Variants in CFAP299 observed in about 807,000 individuals in gnomAD.
CFAP299 encodes the protein cilia and flagella associated protein 299, also known as cilia- and flagella-associated protein 299.
In CFAP299, 21 loss-of-function variants were observed where a neutral mutation model predicts 27.0. The observed-to-expected ratio is 0.78, with a 90% CI of 0.55 to 1.12. The LOEUF is 1.12. Ranked by LOEUF, CFAP299 falls within the 50% of genes most tolerant of loss-of-function variation. The pLI, the probability that CFAP299 is intolerant of heterozygous loss-of-function variation, is 0.00. For synonymous variants in CFAP299, 104 were observed against 98.1 expected (o/e 1.06, Z -0.36); for missense variants, 310 against 276.6 (o/e 1.12, Z -0.86).
chr4:80,635,038 A>G (rs534405824), intron 3 of CFAP299, among the ~76,000 whole-genome samples: 1 of 152,298 alleles, frequency 6.6e-6, no homozygotes, highest in African/African-American at 2.4e-5. Context: ...ATAATGTAAT[A>G]TGATTACTTA....
chr4:80,602,646 CT>C (rs1195749851), intron 3 of CFAP299, among the ~76,000 whole-genome samples: 1 of 151,986 alleles, frequency 6.6e-6, no homozygotes, highest in African/African-American at 2.4e-5. Flanking sequence ...GGTGGCTAAT[CT>C]TTCTTTCCTT....
chr4:80,730,143 C>T (rs1410154568), intron 3 of CFAP299, among the ~76,000 whole-genome samples: 1 of 151,948 alleles, frequency 6.6e-6, no homozygotes, highest in Non-Finnish European at 1.5e-5. Flanking sequence ...TTGCTTTAAA[C>T]CCATAATGCC....
intron 3 of CFAP299, among the ~76,000 whole-genome samples, chr4:80,748,047 T>C (rs1724720795): frequency 6.6e-6 from 1 of 152,098 alleles, no homozygotes; most frequent in Non-Finnish European, 1.5e-5. Context: ...AATGAACTCA[T>C]GAACAACTCT....
chr4:80,875,018 T>G (rs1350254445), intron 4 of CFAP299, among the ~76,000 whole-genome samples: 2 of 152,178 alleles, frequency 1.3e-5, no homozygotes, highest in Non-Finnish European at 2.9e-5. Context: ...ATTTTACCTA[T>G]TTCTTTTTAT....
chr4:80,481,047 T>G (rs1285551522), intron 2 of CFAP299, among the ~76,000 whole-genome samples: 1 of 151,982 alleles, frequency 6.6e-6, no homozygotes, highest in Non-Finnish European at 1.5e-5. Flanking sequence ...TAAGCAGAAA[T>G]CACATCACAT....
chr4:80,736,258 A>G (rs1723864021), intron 3 of CFAP299, among the ~76,000 whole-genome samples: 1 of 152,072 alleles, frequency 6.6e-6, no homozygotes, highest in African/African-American at 2.4e-5. Context: ...TGATTTTTGT[A>G]TAAGGTGTAA....
chr4:80,720,452 G>T (rs1722747771), intron 3 of CFAP299, among the ~76,000 whole-genome samples: 1 of 151,962 alleles, frequency 6.6e-6, no homozygotes, highest in Admixed American at 6.6e-5. Context: ...AGACCTGAAT[G>T]GTCTAACTAC....
At chr4:80,953,321 T>C (rs1418370401) in intron 5 of CFAP299, among the ~76,000 whole-genome samples, 1 of 152,192 alleles carries the variant, frequency 6.6e-6, no homozygotes, top group African/African-American at 2.4e-5. Context: ...AGCTGAGGCC[T>C]TGCCAACTTT....
In CFAP299 at chr4:80,863,030, A is replaced by C. The variant is rs183044691; in HGVS notation, c.334-6963A>C. Among the ~76,000 whole-genome samples, 931 of 152,230 alleles carry C rather than the reference A, an allele frequency of 6.1e-3. 8 individuals are homozygous for C. Among genetic ancestry groups the C allele is most frequent in the Non-Finnish European group, 6.0e-3 (407 of 68,004 alleles). On this transcript the variant is annotated intron_variant, in intron 3 of 5. Coordinates refer to ENST00000358105, the MANE Select transcript of CFAP299 (RefSeq NM_152770.3). ...CCTAAAATTAATGATTCATTAGCGC[A>C]TTCAAGAGATTTAAAATTCTAGCAC...
chr4:80,390,849 A>G (rs928147875), intron 2 of CFAP299, among the ~76,000 whole-genome samples: 3 of 145,200 alleles, frequency 2.1e-5, no homozygotes, highest in Admixed American at 7.0e-5. Flanking sequence ...ATATACACAT[A>G]TATGTATATG....
At chr4:80,963,487 T>C in intron 5 of CFAP299, 30 bp from the exon 6 acceptor site, 1 of 1,463,998 alleles carries the variant, frequency 6.8e-7, no homozygotes, top group South Asian at 1.3e-5. Flanking sequence ...TTTTATAGAC[T>C]TGACTAACAA....
chr4:80,775,083 A>G (rs1010034751), intron 3 of CFAP299, among the ~76,000 whole-genome samples: 3 of 150,866 alleles, frequency 2.0e-5, no homozygotes, highest in Non-Finnish European at 3.0e-5. Flanking sequence ...AAAAAAAAAG[A>G]AAAAGAAAAA....
intron 3 of CFAP299, among the ~76,000 whole-genome samples, chr4:80,587,639 T>C (rs947195866): frequency 1.3e-5 from 2 of 152,112 alleles, no homozygotes; most frequent in African/African-American, 2.4e-5. Flanking sequence ...GTTGCCCAGG[T>C]TGGAGCGCAG....
At chr4:80,781,184 C>A (rs1726855834) in intron 3 of CFAP299, among the ~76,000 whole-genome samples, 2 of 151,948 alleles carry the variant, frequency 1.3e-5, no homozygotes, top group South Asian at 4.1e-4. Flanking sequence ...CAAATTCACA[C>A]CATTTTTCTT....
chr4:80,625,221 A>G (rs1738822076), intron 3 of CFAP299, among the ~76,000 whole-genome samples: 2 of 152,096 alleles, frequency 1.3e-5, no homozygotes, highest in South Asian at 4.1e-4. Flanking sequence ...AAATTGTGGC[A>G]TAAAAAATTC....
intron 3 of CFAP299, among the ~76,000 whole-genome samples, chr4:80,698,631 A>G (rs1721264291): frequency 6.6e-6 from 1 of 152,202 alleles, no homozygotes; most frequent in South Asian, 2.1e-4. Context: ...GTACCACAAT[A>G]AAGAAATACC....
At chr4:80,865,334 G>A (rs1400420176) in intron 3 of CFAP299, among the ~76,000 whole-genome samples, 1 of 152,102 alleles carries the variant, frequency 6.6e-6, no homozygotes, top group Non-Finnish European at 1.5e-5. Flanking sequence ...GAGACTGTTA[G>A]TTTAACTTCA....
chr4:80,571,074 T>C (rs529233488), intron 2 of CFAP299, among the ~76,000 whole-genome samples: 2 of 152,178 alleles, frequency 1.3e-5, no homozygotes, highest in Non-Finnish European at 2.9e-5. Context: ...ATTCTAAAAT[T>C]TGGAGACTGA....
intron 3 of CFAP299, among the ~76,000 whole-genome samples, chr4:80,700,549 T>G (rs1721410349): frequency 1.3e-5 from 2 of 152,172 alleles, no homozygotes; most frequent in East Asian, 3.9e-4. Context: ...AGTAGCAGTA[T>G]ACAGCAAGCT....
Sources: gnomAD v4.1 joint callset for allele counts (sites outside exome capture counted in the v4.1 genomes callset) on GRCh38, gnomAD v4.1.1 for gene constraint, MANE v1.5 for transcripts, NCBI Gene and HGNC (gene_info 2026-07-23, HGNC 2026-07-21) for gene names.